Variants in SYTL2 observed in about 807,000 individuals in gnomAD.
SYTL2 encodes synaptotagmin like 2.
Under a neutral mutation model 198.7 loss-of-function variants are expected in SYTL2, and 165 were observed. The observed-to-expected ratio is 0.83, with a 90% confidence interval of 0.73 to 0.94. The LOEUF (loss-of-function observed/expected upper bound fraction) is 0.94. Ranked by LOEUF, SYTL2 falls within the 40% of genes least tolerant of loss-of-function variation. SYTL2 has a pLI of 0.00. For synonymous variants in SYTL2, 966 were observed against 917.7 expected (o/e 1.05, Z -0.95); for missense variants, 2,835 against 2,582.8 (o/e 1.10, Z -2.12).
Position 85,705,037 on chromosome 11 carries a change from C to A in SYTL2, c.6019-9G>T, listed in dbSNP as rs765711584. On this transcript the variant is annotated splice_polypyrimidine_tract_variant and intron_variant, in intron 15 of 19. Coordinates refer to ENST00000359152, the MANE Select transcript of SYTL2 (RefSeq NM_206927.4). ...TGTTTTTCAATTTTATACTGAAGTT[C>A]AAAGAAGAAAATTAAATGATGAAAA... 2.4e-5 allele frequency: 39 copies of A among 1,592,886 alleles called. No individual in the cohort carries two copies. Among genetic ancestry groups the A allele is most frequent in the Non-Finnish European group, 3.4e-5 (39 of 1,163,842 alleles).
the SYTL2 span, among the ~76,000 whole-genome samples, chr11:85,842,617 A>G: frequency 6.6e-6 from 1 of 152,154 alleles, no homozygotes; most frequent in African/African-American, 2.4e-5. Flanking sequence ...AAACCCCCAT[A>G]TAAGGGTGTT....
rs892637805 is a variant in SYTL2 at position 85,695,153 on chromosome 11, C to T, written c.*42G>A. On this transcript the variant is annotated 3_prime_UTR_variant, in exon 20 of 20. Coordinates refer to ENST00000359152, the MANE Select transcript of SYTL2 (RefSeq NM_206927.4). ...TCAGATTTTCAAGATCAGATTCCAC[C>T]GGTTTAGTAGTTTTCAGTGGAGGAG... is the stretch of plus-strand genomic sequence containing the variant. 5.7e-6 allele frequency: 9 copies of T among 1,568,700 alleles called. No individual in the cohort carries two copies. The highest frequency in any genetic ancestry group is 6.9e-6 in the Non-Finnish European group (8 of 1,153,842).
chr11:85,781,134 A>G lies in SYTL2; in HGVS notation c.-389-23020T>C, dbSNP rs138537032. Among the ~76,000 whole-genome samples the G allele has an allele frequency of 5.7e-3, 867 of 152,292 alleles. 6 individuals carry two copies. Among genetic ancestry groups the G allele is most frequent in the African/African-American group, 0.019 (800 of 41,554 alleles). ...GTAATTTATAAAGGAAAGAGGTTTAATTGACTCAAAGTTCAGCATGGCTGG... is the reference window on the plus strand; with the variant it reads ...GTAATTTATAAAGGAAAGAGGTTTAGTTGACTCAAAGTTCAGCATGGCTGG... On this transcript the variant is annotated intron_variant, in intron 1 of 19. Transcript: ENST00000359152.
At chr11:85,838,239 G>A in the SYTL2 span, among the ~76,000 whole-genome samples, 1 of 152,080 alleles carries the variant, frequency 6.6e-6, no homozygotes, top group East Asian at 1.9e-4. Context: ...TAAGCATTGG[G>A]ACAAGAATTT....
Position 85,811,099 on chromosome 11 carries a change from C to A in SYTL2, c.-535G>T, listed in dbSNP as rs558738209. 503 of 152,318 alleles carry A rather than the reference C, an allele frequency of 3.3e-3. 1 individual carries two copies. The highest frequency in any genetic ancestry group is 6.1e-3 in the Non-Finnish European group (416 of 68,040). The allele number at this position is 152,318 out of a possible 1,614,324, so 9.4% of individuals were successfully genotyped here. A position where few individuals can be genotyped will look rare whatever the true frequency, so the allele number is the denominator to read the frequency against. On this transcript the variant is annotated 5_prime_UTR_variant, in exon 1 of 20. Coordinates refer to ENST00000359152, the MANE Select transcript of SYTL2 (RefSeq NM_206927.4). ...GCAAGGCGTTGCGAGCCTTCACTCT[C>A]CCGACGGACGCTGGCGGCACGGCCC...
At chr11:85,770,993 T>G (rs7115763) in intron 1 of SYTL2, among the ~76,000 whole-genome samples, 2,338 of 152,332 alleles carry the variant, frequency 0.015, 28 homozygotes, top group Non-Finnish European at 0.023. Flanking sequence ...CATACCTATC[T>G]TACTGAGTTG....
chr11:85,742,828 A>G (rs2090900838), intron 4 of SYTL2, among the ~76,000 whole-genome samples: 1 of 152,230 alleles, frequency 6.6e-6, no homozygotes, highest in Non-Finnish European at 1.5e-5. Context: ...TGTAACCAGA[A>G]CTAGAAATGT....
chr11:85,826,495 T>C, the SYTL2 span, among the ~76,000 whole-genome samples: 1 of 152,218 alleles, frequency 6.6e-6, no homozygotes, highest in African/African-American at 2.4e-5. Flanking sequence ...GAGCCTGGTC[T>C]TGAGGCAATG....
the SYTL2 span, chr11:85,852,738 C>T: frequency 8.6e-5 from 20 of 232,838 alleles, no homozygotes; most frequent in Admixed American, 1.7e-4. Context: ...CTCCACCTCC[C>T]AGCCGCCTCC....
Position 85,695,254 on chromosome 11 carries a change from T to TCCAA in SYTL2, c.6660_6661insTTGG (p.Thr2221LeufsTer5). The TCCAA allele has an allele frequency of 1.2e-6, 2 of 1,612,878 alleles. No homozygotes were observed. Among genetic ancestry groups the TCCAA allele is most frequent in the Non-Finnish European group, 1.7e-6 (2 of 1,179,158 alleles). On this transcript the variant is annotated frameshift_variant, in exon 20 of 20. Coordinates refer to ENST00000359152, the MANE Select transcript of SYTL2 (RefSeq NM_206927.4). LOFTEE classifies it high-confidence loss of function. ...AGAGGCAGTGTTGCTTCAATCCAAG[T>TCCAA]ATTGGGGGAGTTTACCATCTTCTCC...
chr11:85,833,083 GA>G, the SYTL2 span, among the ~76,000 whole-genome samples: 357 of 50,862 alleles, frequency 7.0e-3, 19 homozygotes, highest in Non-Finnish European at 0.011. Context: ...AAGAAAGAAA[GA>G]AAGAAAGAAA....
chr11:85,808,662 T>A (rs1400433528), intron 1 of SYTL2, among the ~76,000 whole-genome samples: 1 of 152,146 alleles, frequency 6.6e-6, no homozygotes, highest in Non-Finnish European at 1.5e-5. Flanking sequence ...TTTATTCAGA[T>A]ATTTTGAAGA....
chr11:85,801,089 C>T (rs1413996345), intron 1 of SYTL2, among the ~76,000 whole-genome samples: 2 of 152,228 alleles, frequency 1.3e-5, no homozygotes, highest in African/African-American at 4.8e-5. Flanking sequence ...TAGCTTCTTG[C>T]CATTTCCCAT....
At chr11:85,838,703 G>A in the SYTL2 span, among the ~76,000 whole-genome samples, 20 of 152,238 alleles carry the variant, frequency 1.3e-4, no homozygotes, top group African/African-American at 4.1e-4. Flanking sequence ...ATTCACCCCC[G>A]TGACCCAAAC....
At chr11:85,798,238 G>A (rs2092833427) in intron 1 of SYTL2, among the ~76,000 whole-genome samples, 1 of 152,106 alleles carries the variant, frequency 6.6e-6, no homozygotes, top group African/African-American at 2.4e-5. Context: ...GATCATCACA[G>A]CTTCTGACAC....
intron 2 of SYTL2, among the ~76,000 whole-genome samples, chr11:85,752,941 A>C (rs1022160142): frequency 4.1e-5 from 6 of 144,644 alleles, no homozygotes; most frequent in Non-Finnish European, 4.5e-5. Context: ...AAAAAAAAAA[A>C]AAAAAAAAAA....
chr11:85,721,883 A>C (rs889597574), intron 8 of SYTL2, among the ~76,000 whole-genome samples: 2 of 152,082 alleles, frequency 1.3e-5, no homozygotes, highest in Non-Finnish European at 2.9e-5. Context: ...CAGCATTTCC[A>C]AAAGTATTTG....
chr11:85,718,605 C>T (rs2087751738), intron 10 of SYTL2, 185 bp downstream of exon 10: 1 of 602,388 alleles, frequency 1.7e-6, no homozygotes, highest in African/African-American at 1.9e-5. Flanking sequence ...CCAGAAGAAG[C>T]CTTAAGAATA....
At chr11:85,853,502 T>G in the SYTL2 span, 3,166 of 271,422 alleles carry the variant, frequency 0.012, 97 homozygotes, top group African/African-American at 0.07. Context: ...TAATCTCAAG[T>G]ACCCAGGGAC....
Sources: gnomAD v4.1 joint callset for allele counts (sites outside exome capture counted in the v4.1 genomes callset) on GRCh38, gnomAD v4.1.1 for gene constraint, MANE v1.5 for transcripts, NCBI Gene and HGNC (gene_info 2026-07-23, HGNC 2026-07-21) for gene names.